The following TECPR2 variants were observed in gnomAD, a reference collection of about 807,000 sequenced individuals.
The protein encoded by TECPR2 is tectonin beta-propeller repeat-containing protein 2.
A neutral mutation model predicts 138.1 loss-of-function variants in TECPR2; 65 were observed. That is an observed-to-expected ratio of 0.47 (90% CI 0.39 to 0.58). The LOEUF (loss-of-function observed/expected upper bound fraction) is 0.58. TECPR2 is among the 20% of genes least tolerant of loss of function. The pLI, the probability that TECPR2 is intolerant of heterozygous loss-of-function variation, is 0.00. For synonymous variants in TECPR2, 746 were observed against 749.8 expected (o/e 0.99, Z 0.08); for missense variants, 1,553 against 1,824.5 (o/e 0.85, Z 2.71).
intron 17 of TECPR2, among the ~76,000 whole-genome samples, chr14:102,494,716 C>T (rs1454675065): frequency 1.4e-5 from 2 of 147,102 alleles, no homozygotes; most frequent in Non-Finnish European, 3.0e-5. Flanking sequence ...CTCAGCTACT[C>T]GGGAGGCTGA....
intron 2 of TECPR2, among the ~76,000 whole-genome samples, chr14:102,406,934 C>T (rs927500551): frequency 6.6e-5 from 10 of 152,226 alleles, no homozygotes; most frequent in African/African-American, 2.2e-4. Flanking sequence ...TCTCGGCTCA[C>T]TGCAACCTCC....
chr14:102,460,429 C>T (rs2139765839), intron 16 of TECPR2, among the ~76,000 whole-genome samples: 1 of 152,042 alleles, frequency 6.6e-6, no homozygotes, highest in Admixed American at 6.5e-5. Flanking sequence ...GCCTGGCCAA[C>T]ATGGTGAAGC....
intron 10 of TECPR2, 104 bp from the exon 11 acceptor site, chr14:102,440,330 ATG>A: frequency 6.9e-7 from 1 of 1,447,472 alleles, no homozygotes; most frequent in Non-Finnish European, 9.4e-7. Context: ...ACAGAACAGG[ATG>A]TGTTTTAGAA....
chr14:102,459,663 G>C (rs746385500), intron 16 of TECPR2, among the ~76,000 whole-genome samples: 5 of 152,222 alleles, frequency 3.3e-5, no homozygotes, highest in Non-Finnish European at 7.3e-5. Flanking sequence ...AGTTACTCTG[G>C]AGGCTGAGGC....
intron 9 of TECPR2, among the ~76,000 whole-genome samples, chr14:102,436,398 T>G (rs1027095180): frequency 1.5e-4 from 22 of 151,542 alleles, no homozygotes; most frequent in African/African-American, 4.6e-4. Context: ...GGCTCATTGC[T>G]GCCTCGACCT....
intron 10 of TECPR2, among the ~76,000 whole-genome samples, chr14:102,438,676 TG>T (rs941695596): frequency 6.6e-6 from 1 of 152,186 alleles, no homozygotes; most frequent in African/African-American, 2.4e-5. Context: ...TCTGTTTTAA[TG>T]AGCTCTCTGC....
intron 10 of TECPR2, among the ~76,000 whole-genome samples, chr14:102,440,065 C>T (rs1889787977): frequency 6.6e-6 from 1 of 152,236 alleles, no homozygotes; most frequent in Non-Finnish European, 1.5e-5. Context: ...ACTTATCAAA[C>T]CTAATAATGT....
chr14:102,484,938 C>T (rs548701812), intron 17 of TECPR2, among the ~76,000 whole-genome samples: 9 of 152,324 alleles, frequency 5.9e-5, no homozygotes, highest in South Asian at 2.1e-4. Context: ...GGATTACAGG[C>T]GCGAGCCACT....
At chr14:102,463,616 G>A (rs554715263) in intron 16 of TECPR2, among the ~76,000 whole-genome samples, 1 of 151,798 alleles carries the variant, frequency 6.6e-6, no homozygotes, top group South Asian at 2.1e-4. Context: ...ACTTTTTGGG[G>A]TGACTAAGTT....
intron 4 of TECPR2, among the ~76,000 whole-genome samples, chr14:102,410,514 C>A (rs988392108): frequency 2.0e-5 from 3 of 150,252 alleles, no homozygotes; most frequent in Non-Finnish European, 4.4e-5. Flanking sequence ...TAAAAACACA[C>A]CTCACCAAGC....
At chr14:102,477,539 C>A (rs1890790159) in intron 17 of TECPR2, among the ~76,000 whole-genome samples, 2 of 148,448 alleles carry the variant, frequency 1.3e-5, no homozygotes, top group Non-Finnish European at 1.5e-5. Context: ...TCAGCATACC[C>A]CTGTAGAGCT....
chr14:102,423,437 C>CAA (rs35097163), intron 5 of TECPR2, among the ~76,000 whole-genome samples: 5 of 129,728 alleles, frequency 3.9e-5, no homozygotes, highest in African/African-American at 1.4e-4. Context: ...AACTCTGTCT[C>CAA]AAAAAAAAAA....
At chr14:102,469,876 A>G (rs1028150511) in intron 17 of TECPR2, among the ~76,000 whole-genome samples, 5 of 152,042 alleles carry the variant, frequency 3.3e-5, no homozygotes, top group African/African-American at 1.2e-4. Flanking sequence ...TCCTTTATTA[A>G]TATGATATAT....
chr14:102,432,015 A>G lies in TECPR2; in HGVS notation c.1304A>G (p.Lys435Arg). The change falls in exon 8 of 20, where the codon AAG (lysine) becomes AGG (arginine). Residue 435 changes from lysine to arginine, a missense_variant. By Grantham distance (26) the Lys-to-Arg change is conservative. Coordinates refer to ENST00000359520, the MANE Select transcript of TECPR2 (RefSeq NM_014844.5). ...PGLQATPELG[K>R]GSQPLSQRFN... ...CTCCAGGCCACCCCTGAGCTGGGCA[A>G]GGGCAGCCAGCCCCTGTCACAGAGA... The G allele has an allele frequency of 6.2e-7, 1 of 1,612,892 alleles. No individual in the cohort carries two copies. The highest frequency in any genetic ancestry group is 1.7e-4 in the Middle Eastern group (1 of 6,036).
At chr14:102,368,575 G>A (rs988150868) in intron 1 of TECPR2, among the ~76,000 whole-genome samples, 2 of 149,932 alleles carry the variant, frequency 1.3e-5, no homozygotes, top group Non-Finnish European at 3.0e-5. Flanking sequence ...CTCTTTATCA[G>A]ATATATAACC....
intron 17 of TECPR2, chr14:102,465,818 C>T (rs570323098): frequency 5.1e-6 from 1 of 197,598 alleles, no homozygotes; most frequent in Admixed American, 6.5e-5. Context: ...ACCTCCAGCA[C>T]TCAGCTCACA....
At chr14:102,447,953 A>G (rs1401692881) in intron 13 of TECPR2, among the ~76,000 whole-genome samples, 1 of 152,214 alleles carries the variant, frequency 6.6e-6, no homozygotes, top group African/African-American at 2.4e-5. Context: ...ATGAGAATGT[A>G]GAAAAATGAG....
In TECPR2 at chr14:102,362,956, G is replaced by A; in HGVS notation, c.-233G>A. 6 of 1,460,412 alleles carry A rather than the reference G, an allele frequency of 4.1e-6. No homozygotes were observed. The highest frequency in any genetic ancestry group is 5.7e-6 in the Non-Finnish European group (6 of 1,061,010). The allele number at this position is 1,460,412 out of a possible 1,614,324, so 90.5% of individuals were successfully genotyped here. ...GCCCGCTGCCACTTGTGGCTCTGCC[G>A]CTCTAGCCCCCGGCGGAGCCAGCTG... On this transcript the variant is annotated 5_prime_UTR_variant, in exon 1 of 20. Transcript: ENST00000359520.
At chr14:102,367,364 T>G (rs1257431334) in intron 1 of TECPR2, among the ~76,000 whole-genome samples, 1 of 152,192 alleles carries the variant, frequency 6.6e-6, no homozygotes, top group Admixed American at 6.5e-5. Flanking sequence ...TTTTAGAACT[T>G]TCTCATCACC....
Sources: gnomAD v4.1 joint callset for allele counts (sites outside exome capture counted in the v4.1 genomes callset) on GRCh38, gnomAD v4.1.1 for gene constraint, MANE v1.5 for transcripts, NCBI Gene and HGNC (gene_info 2026-07-23, HGNC 2026-07-21) for gene names.